SLC4A11: variants seen among roughly 807,000 people sequenced by gnomAD.
SLC4A11 encodes bicarbonate transporter related protein 1.
A neutral mutation model predicts 95.0 loss-of-function variants in SLC4A11; 74 were observed. The observed-to-expected ratio is 0.78, with a 90% CI of 0.65 to 0.95. The LOEUF (loss-of-function observed/expected upper bound fraction) is 0.95, where lower values mean the gene tolerates loss of function less well. Among genes scored for constraint, SLC4A11 ranks in the 40% least tolerant of loss-of-function variants. The pLI is 0.00. For missense variants in SLC4A11, 1,081 were observed against 1,192.4 expected (o/e 0.91, Z 1.38); for synonymous variants, 548 against 519.0 (o/e 1.06, Z -0.76).
rs574083289 is a variant in SLC4A11 at position 3,232,434 on chromosome 20, T to C, written c.730-886A>G. 3.5e-4 allele frequency among the ~76,000 whole-genome samples: 54 copies of C among 152,390 alleles called. No individual in the cohort carries two copies. The South Asian group carries it at 0.011, about 30-fold the overall frequency. On this transcript the variant is annotated intron_variant, in intron 7 of 19. Coordinates refer to ENST00000642402, the MANE Select transcript of SLC4A11 (RefSeq NM_001174089.2). ...CCCGTGCCTGGCAGGGCATGGTGGC[T>C]CACGCCCATAATACCAACTTTTTTG...
chr20:3,229,132 T>G lies in SLC4A11; in HGVS notation c.1981A>C (p.Asn661His). ...GCATTCACCAAGGCGGCCACCAAGT[T>G]CTGCTCGATGAAGAAGAGCATGGAC... ...LLSMLFFIEQ[N>H]LVAALVNAPE... Residue 661 changes from asparagine to histidine, a missense_variant, in exon 16 of 20, where the codon AAC (asparagine) becomes CAC (histidine). By Grantham distance (68) the Asn-to-His change is moderately conservative. Transcript: ENST00000642402. The G allele has an allele frequency of 6.8e-7, 1 of 1,461,082 alleles. No homozygotes were observed. The highest frequency in any genetic ancestry group is 9.2e-7 in the Non-Finnish European group (1 of 1,089,872). 90.5% of individuals were successfully genotyped at this position (1,461,082 alleles called of 1,614,324 possible).
rs199634796 is a variant in SLC4A11, at chr20:3,228,560, G to C, written c.2340C>G (p.Leu780=). 7.4e-6 allele frequency: 12 copies of C among 1,613,096 alleles called. 1 individual carries two copies. Among genetic ancestry groups the C allele is most frequent in the African/African-American group, 6.7e-5 (5 of 74,938 alleles). Residue 780 remains leucine, a synonymous_variant, in exon 18 of 20, where the codon CTC becomes CTG. Transcript: ENST00000642402. ...CGCGCTGGACGAGCTGGTTGCCATC[G>C]AGGGAGGTGAGCGCGATGTAGAGGA... ...GLFLYIALTS[L]DGNQLVQRVA...
In SLC4A11 at chr20:3,239,086, G is replaced by A. The variant is rs747868496; in HGVS notation, c.43+9C>T. 2 of 1,476,192 alleles carry A rather than the reference G, an allele frequency of 1.4e-6. No individual in the cohort carries two copies. The highest frequency in any genetic ancestry group is 2.5e-5 in the South Asian group (2 of 78,772). 91.4% of individuals were successfully genotyped at this position (1,476,192 alleles called of 1,614,324 possible). ...CCTTCCCGCCGCGCCCCCGGGTTCA[G>A]GCACCCACCGCACGGCTGCAGATGG... On this transcript the variant is annotated intron_variant, in intron 1 of 19. Transcript: ENST00000642402.
chr20:3,238,142 G>A (rs1410452393), intron 1 of SLC4A11: 16 of 1,446,334 alleles, frequency 1.1e-5, no homozygotes, highest in Non-Finnish European at 1.3e-5. Context: ...TCCAGTCCTG[G>A]GACCGCGTCC....
chr20:3,231,642 G>GT lies in SLC4A11; in HGVS notation c.730-95dup, dbSNP rs2067784966. 1.7e-6 allele frequency: 2 copies of GT among 1,196,932 alleles called. No homozygotes were observed. The highest frequency in any genetic ancestry group is 3.8e-5 in the Admixed American group (2 of 52,782). 74.1% of individuals were successfully genotyped at this position (1,196,932 alleles called of 1,614,324 possible). A position where few individuals can be genotyped will look rare whatever the true frequency, so the allele number is the denominator to read the frequency against. ...TGCTCTCCCCATGAACTGGCAGCAG[G>GT]TTTTTTGTCTGTTTGTTTTTTGTGT... On this transcript the variant is annotated intron_variant, in intron 7 of 19. Transcript: ENST00000642402. This position sits in a 1 kb window ranked among gnomAD's most constrained non-coding sequence, Gnocchi z 5.2.
Position 3,228,629 on chromosome 20 carries a change from C to A in SLC4A11, c.2271G>T (p.Pro757=). Residue 757 remains proline (P), a synonymous_variant, in exon 18 of 20, where the codon CCG becomes CCT. Transcript: ENST00000642402. ...VLVGLSLLLL[P]VPLQWIPKPV... ...GCTTGGGGATCCACTGAAGCGGGACCGGCAGCAGCAACAGGGACAGGCCCA... is the reference window on the plus strand; with the variant it reads ...GCTTGGGGATCCACTGAAGCGGGACAGGCAGCAGCAACAGGGACAGGCCCA... The A allele has an allele frequency of 6.2e-7, 1 of 1,613,100 alleles. No individual in the cohort carries two copies. The highest frequency in any genetic ancestry group is 1.1e-5 in the South Asian group (1 of 91,076).
In SLC4A11 at chr20:3,231,642, G is replaced by A. The variant is rs903474849; in HGVS notation, c.730-94C>T. The A allele has an allele frequency of 8.4e-7, 1 of 1,197,056 alleles. No individual in the cohort carries two copies. Among genetic ancestry groups the A allele is most frequent in the Non-Finnish European group, 1.2e-6 (1 of 817,760 alleles). The allele number at this position is 1,197,056 out of a possible 1,614,324, so 74.2% of individuals were successfully genotyped here. A position where few individuals can be genotyped will look rare whatever the true frequency, so the allele number is the denominator to read the frequency against. On this transcript the variant is annotated intron_variant, in intron 7 of 19. Coordinates refer to ENST00000642402, the MANE Select transcript of SLC4A11 (RefSeq NM_001174089.2). This position sits in a 1 kb window ranked among gnomAD's most constrained non-coding sequence, Gnocchi z 5.2. ...TGCTCTCCCCATGAACTGGCAGCAG[G>A]TTTTTTGTCTGTTTGTTTTTTGTGT...
chr20:3,230,311 T>C, intron 12 of SLC4A11, 51 bp from the exon 13 acceptor site: 1 of 1,600,580 alleles, frequency 6.2e-7, no homozygotes, highest in Non-Finnish European at 8.6e-7. Context: ...AGGGGGCAGG[T>C]GGGGGAGGCC....
intron 1 of SLC4A11, chr20:3,238,727 A>AGGC: frequency 9.5e-7 from 1 of 1,053,528 alleles, no homozygotes; most frequent in Non-Finnish European, 1.1e-6. Flanking sequence ...AGACCTTCCG[A>AGGC]GGCGGCGGCC....
rs139106875 is a variant in SLC4A11, at chr20:3,230,254, C to T, written c.1422G>A (p.Thr474=). 28 of 1,613,526 alleles carry T rather than the reference C, an allele frequency of 1.7e-5. No homozygotes were observed. Among genetic ancestry groups the T allele is most frequent in the East Asian group, 1.1e-4 (5 of 44,876 alleles). ...SLVMSLFKRS[T]EEIIALFISI... is the part of the protein sequence containing the mutation. ...AAATGAAGAGGGCGATGATCTCCTC[C>T]GTCGACCTGCCAGGAGGCCATGAGC... The change falls in exon 13 of 20, where the codon ACG becomes ACA. Residue 474 remains threonine (T), a synonymous_variant. Coordinates refer to ENST00000642402, the MANE Select transcript of SLC4A11 (RefSeq NM_001174089.2).
chr20:3,228,686 C>A lies in SLC4A11; in HGVS notation c.2214G>T (p.Thr738=). 1 of 1,612,948 alleles carries A rather than the reference C, an allele frequency of 6.2e-7. No homozygotes were observed. The highest frequency in any genetic ancestry group is 1.1e-5 in the South Asian group (1 of 91,084). Residue 738 remains threonine (T), a synonymous_variant, in exon 18 of 20, where the codon ACG becomes ACT. Transcript: ENST00000642402. ...CGCTGGCGCCCAGCGAGGTCAGCCG[C>A]GTCTCCTTCACGTTCACAATCCTGC... ...IYDTIVNVKE[T]RLTSLGASVL...
chr20:3,235,667 G>A (rs572821653), intron 2 of SLC4A11, among the ~76,000 whole-genome samples: 32 of 152,070 alleles, frequency 2.1e-4, no homozygotes, highest in Non-Finnish European at 1.6e-4. Context: ...AATTCCTGCA[G>A]CTGGCCAGCA....
chr20:3,231,116 G>A lies in SLC4A11; in HGVS notation c.1042+33C>T, dbSNP rs200498215. 5.0e-6 allele frequency: 8 copies of A among 1,614,168 alleles called. No homozygotes were observed. The African/African-American group carries it at 8.0e-5, about 16-fold the overall frequency. On this transcript the variant is annotated intron_variant, in intron 9 of 19. Transcript: ENST00000642402. This position sits in a 1 kb window ranked among gnomAD's most constrained non-coding sequence, Gnocchi z 5.2. ...GGGGATGCAGGACAGGCACACGTGT[G>A]GGCCCAAGGCCTGGAAAGCAGAGGC...
intron 2 of SLC4A11, among the ~76,000 whole-genome samples, chr20:3,235,792 C>T (rs1003028419): frequency 2.6e-5 from 4 of 152,140 alleles, no homozygotes; most frequent in African/African-American, 9.7e-5. Context: ...AGCCCTGCTC[C>T]CCCTGCCCTG....
intron 7 of SLC4A11, among the ~76,000 whole-genome samples, 195 bp downstream of exon 7, chr20:3,233,319 C>G (rs1048147989): frequency 3.3e-5 from 5 of 152,160 alleles, no homozygotes; most frequent in Admixed American, 1.3e-4. Context: ...GAAATACGAA[C>G]TTTTCGGCAA....
At position 3,230,363 on chromosome 20, in the gene SLC4A11, A is replaced by G. The variant is rs1052060698; in HGVS notation, c.1416-103T>C. ...CAGTCCCCTGCCTCCCCCTGCCAGG[A>G]AGAAGGCCAGGGCCCCAGGCCTTGC... On this transcript the variant is annotated intron_variant, in intron 12 of 19. Transcript: ENST00000642402. 3 of 1,576,674 alleles carry G rather than the reference A, an allele frequency of 1.9e-6. No homozygotes were observed. The African/African-American group carries it at 4.1e-5, about 21-fold the overall frequency.
chr20:3,239,117 G>A lies in SLC4A11; in HGVS notation c.21C>T (p.Arg7=), dbSNP rs916016270. 4.7e-5 allele frequency: 69 copies of A among 1,476,678 alleles called. No individual in the cohort carries two copies. Among genetic ancestry groups the A allele is most frequent in the Non-Finnish European group, 5.9e-5 (66 of 1,118,508 alleles). 91.5% of individuals were successfully genotyped at this position (1,476,678 alleles called of 1,614,324 possible). A position where few individuals can be genotyped will look rare whatever the true frequency, so the allele number is the denominator to read the frequency against. Residue 7 remains arginine (R), a synonymous_variant, in exon 1 of 20, where the codon CGC becomes CGT. Coordinates refer to ENST00000642402, the MANE Select transcript of SLC4A11 (RefSeq NM_001174089.2). The part of the protein sequence containing the change: MAAATR[R]VFHLQPCENS... ...CACCGCACGGCTGCAGATGGAACAC[G>A]CGCCTGGTGGCCGCGGCCATGGCAC...
intron 7 of SLC4A11, among the ~76,000 whole-genome samples, chr20:3,232,241 C>T (rs2067805781): frequency 6.8e-6 from 1 of 146,358 alleles, no homozygotes; most frequent in Admixed American, 6.7e-5. Context: ...GCCCGTCAGG[C>T]ACTCTCTCTC....
At chr20:3,229,918 C>T in intron 13 of SLC4A11, 142 bp from the exon 14 acceptor site, 1 of 1,222,674 alleles carries the variant, frequency 8.2e-7, no homozygotes, top group South Asian at 1.2e-5. Flanking sequence ...CACACTCCTG[C>T]CCACTGTCCC....
Sources: allele counts gnomAD v4.1 joint callset (sites outside exome capture counted in the v4.1 genomes callset), GRCh38; gene constraint gnomAD v4.1.1; non-coding constraint Gnocchi (gnomAD v3.1); transcripts MANE v1.5; gene names NCBI Gene and HGNC (gene_info 2026-07-23, HGNC 2026-07-21).